The following IK variants were observed in gnomAD, a reference collection of about 807,000 sequenced individuals.
The protein encoded by IK is protein Red.
IK carries 47 observed loss-of-function variants against 90.9 expected under a neutral mutation model. That is an observed-to-expected ratio of 0.52 (90% CI 0.41 to 0.66). IK has a LOEUF of 0.66. Among genes scored for constraint, IK ranks in the 30% least tolerant of loss-of-function variants. The pLI is 0.00. For synonymous variants in IK, 201 were observed against 227.5 expected, an observed-to-expected ratio of 0.88 and a Z score of 1.05; for missense variants, 385 against 709.3, an observed-to-expected ratio of 0.54 and a Z score of 5.19.
At chr5:140,657,221 G>A (rs1229754773) in intron 9 of IK, among the ~76,000 whole-genome samples, 3 of 152,106 alleles carry the variant, frequency 2.0e-5, no homozygotes, top group Non-Finnish European at 4.4e-5. Flanking sequence ...TAAATAAAAT[G>A]TAAATTTTTG....
chr5:140,651,661 T>C, intron 2 of IK, 53 bp from the exon 3 acceptor site: 4 of 889,124 alleles, frequency 4.5e-6, no homozygotes, highest in South Asian at 1.4e-5. Flanking sequence ...TACTTGTTCC[T>C]TTTTCATTTC....
intron 8 of IK, 23 bp from the exon 9 acceptor site, chr5:140,655,806 T>A: frequency 6.2e-7 from 1 of 1,605,178 alleles, no homozygotes; most frequent in Non-Finnish European, 8.5e-7. Context: ...CCTGGCTACT[T>A]GCTGCTCTTC....
At chr5:140,653,259 G>C in intron 5 of IK, 115 bp downstream of exon 5, 1 of 822,000 alleles carries the variant, frequency 1.2e-6, no homozygotes, top group Non-Finnish European at 1.8e-6. Flanking sequence ...CGATTTCAGA[G>C]GCATTTGCCA....
chr5:140,650,828 G>C (rs7707326), intron 2 of IK, among the ~76,000 whole-genome samples: 3,022 of 152,054 alleles, frequency 0.02, 102 homozygotes, highest in African/African-American at 0.07. Flanking sequence ...ATCCGCCTGC[G>C]TCAGCCTCCC....
In IK at chr5:140,652,980, T is replaced by C. The variant is rs760511722; in HGVS notation, c.240T>C (p.Tyr80=). 4 of 1,613,310 alleles carry C rather than the reference T, an allele frequency of 2.5e-6. No homozygotes were observed. Among genetic ancestry groups the C allele is most frequent in the East Asian group, 4.5e-5 (2 of 44,884 alleles). Residue 80 remains tyrosine, a synonymous_variant, in exon 5 of 20, where the codon TAT becomes TAC. Transcript: ENST00000417647. The part of the protein sequence containing the change: ...PAARRRKKKS[Y]YAKLRQQEIE... ...ATTTGCCTTTCTCTGGTCACAGTTATTATGCCAAGCTACGCCAACAAGAAA... is the reference window on the plus strand; with the variant it reads ...ATTTGCCTTTCTCTGGTCACAGTTACTATGCCAAGCTACGCCAACAAGAAA...
Position 140,661,068 on chromosome 5 carries a change from G to A in IK, c.1413+253G>A. Reference sequence around the variant, plus strand: ...CAAAGTGCCAGGCTTTGATTCCCATGGTAGGCAGTAAGCAAGCATCAATGC... The same window carrying A: ...CAAAGTGCCAGGCTTTGATTCCCATAGTAGGCAGTAAGCAAGCATCAATGC... On this transcript the variant is annotated intron_variant, in intron 16 of 19. Transcript: ENST00000417647. This position sits in a 1 kb window ranked among gnomAD's most constrained non-coding sequence, Gnocchi z 4.2. 1 of 426,100 alleles carries A rather than the reference G, an allele frequency of 2.3e-6. No homozygotes were observed. The highest frequency in any genetic ancestry group is 4.1e-6 in the Non-Finnish European group (1 of 242,110). 26.4% of individuals were successfully genotyped at this position (426,100 alleles called of 1,614,324 possible).
In IK at chr5:140,659,128, A is replaced by G; in HGVS notation, c.1140A>G (p.Arg380=). ...GAGAGAGAGAAGAGGAAAAGAAGAG[A>G]CACAGCTACTTTGAGAAGCCAAAAG... ...RDREREEEKK[R]HSYFEKPKVD... The change falls in exon 12 of 20, where the codon AGA becomes AGG. Residue 380 remains arginine (R), a synonymous_variant. Coordinates refer to ENST00000417647, the MANE Select transcript of IK (RefSeq NM_006083.4). 6.3e-7 allele frequency: 1 copy of G among 1,598,858 alleles called. No individual in the cohort carries two copies. The highest frequency in any genetic ancestry group is 8.5e-7 in the Non-Finnish European group (1 of 1,172,588).
At chr5:140,658,022 C>T (rs545433647) in intron 10 of IK, among the ~76,000 whole-genome samples, 3 of 152,210 alleles carry the variant, frequency 2.0e-5, no homozygotes, top group East Asian at 3.9e-4. Context: ...TTTTTTGAGA[C>T]GGAGTCTCGC....
At position 140,661,985 on chromosome 5, in the gene IK, G is replaced by T. The variant is rs767580763; in HGVS notation, c.1589G>T (p.Arg530Leu). 6.2e-7 allele frequency: 1 copy of T among 1,608,998 alleles called. No individual in the cohort carries two copies. The highest frequency in any genetic ancestry group is 2.2e-5 in the East Asian group (1 of 44,764). Residue 530 changes from arginine to leucine, a missense_variant, in exon 18 of 20, where the codon CGC becomes CTC. Arg to Leu is a moderately radical substitution (Grantham distance 102). Coordinates refer to ENST00000417647, the MANE Select transcript of IK (RefSeq NM_006083.4). This position sits in a 1 kb window ranked among gnomAD's most constrained non-coding sequence, Gnocchi z 4.2. ...KETNDKAELD[R>L]QWKKISAIIE... ...ACCAATGACAAAGCAGAGCTTGATC[G>T]CCAGTGGAAGAAGATTAGTGCAGTA...
At chr5:140,650,577 C>CT (rs1007168713) in intron 2 of IK, among the ~76,000 whole-genome samples, 5 of 151,896 alleles carry the variant, frequency 3.3e-5, no homozygotes, top group Admixed American at 1.3e-4. Flanking sequence ...TGATTCTTTT[C>CT]TTTTTTTTAT....
intron 5 of IK, 134 bp downstream of exon 5, chr5:140,653,278 G>A (rs974311874): frequency 1.5e-6 from 1 of 657,624 alleles, no homozygotes; most frequent in Non-Finnish European, 2.5e-6. Flanking sequence ...CACCCACAAA[G>A]GGCTGTTCTT....
intron 10 of IK, 94 bp from the exon 11 acceptor site, chr5:140,658,643 A>G: frequency 9.6e-7 from 1 of 1,040,658 alleles, no homozygotes; most frequent in Non-Finnish European, 1.5e-6. Context: ...TAAACAGAAG[A>G]TGTTTAAAAG....
chr5:140,649,659 C>T (rs937013835), intron 2 of IK, among the ~76,000 whole-genome samples: 9 of 152,118 alleles, frequency 5.9e-5, no homozygotes, highest in African/African-American at 2.2e-4. Context: ...CCTCAGTTTC[C>T]CCAGTAGCTG....
At position 140,648,122 on chromosome 5, in the gene IK, C is replaced by T. The variant is rs572868422; in HGVS notation, c.16+198C>T. ...AGGCCGACAGCTCCAAACTCCGTCC[C>T]CAGTCCTCACTCCTACTCCAAGTGA... On this transcript the variant is annotated intron_variant, in intron 1 of 19. Transcript: ENST00000417647. The T allele has an allele frequency of 5.0e-4, 364 of 729,230 alleles. 2 individuals carry two copies. The South Asian group carries it at 5.1e-3, about 10-fold the overall frequency. The allele number at this position is 729,230 out of a possible 1,614,324, so 45.2% of individuals were successfully genotyped here. A position where few individuals can be genotyped will look rare whatever the true frequency, so the allele number is the denominator to read the frequency against.
chr5:140,648,400 A>G (rs753357915), intron 1 of IK, 71 bp from the exon 2 acceptor site: 15 of 1,359,132 alleles, frequency 1.1e-5, no homozygotes, highest in Non-Finnish European at 1.5e-5. Context: ...GTTCACTACT[A>G]TATCTCAAAT....
intron 9 of IK, 105 bp downstream of exon 9, chr5:140,656,097 C>G: frequency 9.9e-7 from 1 of 1,006,910 alleles, no homozygotes; most frequent in Non-Finnish European, 1.4e-6. Flanking sequence ...AAGTGCTGTT[C>G]ACTTTTACCT....
rs1180846811 is a variant in IK, at chr5:140,659,457, C to T, written c.1195+124C>T. On this transcript the variant is annotated intron_variant, in intron 13 of 19. Coordinates refer to ENST00000417647, the MANE Select transcript of IK (RefSeq NM_006083.4). ...TTCTGGGTTCTTGTAAGAACTGTGT[C>T]TTGCTTTATTGAATAGGTGGAGTTC... 5 of 1,053,308 alleles carry T rather than the reference C, an allele frequency of 4.7e-6. No homozygotes were observed. In the East Asian group the frequency reaches 1.2e-4, roughly 25 times the overall value. 65.2% of individuals were successfully genotyped at this position (1,053,308 alleles called of 1,614,324 possible).
intron 2 of IK, among the ~76,000 whole-genome samples, chr5:140,649,763 C>G (rs1462713905): frequency 6.6e-6 from 1 of 151,932 alleles, no homozygotes. Context: ...GAACTCCTGA[C>G]CTCAAATGAT....
intron 16 of IK, 27 bp downstream of exon 16, chr5:140,660,842 C>T (rs751661454): frequency 7.0e-6 from 11 of 1,581,396 alleles, no homozygotes; most frequent in Non-Finnish European, 9.6e-6. Context: ...ATGGTGGGCG[C>T]CTTTGGGCAG....
Sources: gnomAD v4.1 joint callset for allele counts (sites outside exome capture counted in the v4.1 genomes callset) on GRCh38, gnomAD v4.1.1 for gene constraint, Gnocchi (gnomAD v3.1) non-coding constraint, MANE v1.5 for transcripts, NCBI Gene and HGNC (gene_info 2026-07-23, HGNC 2026-07-21) for gene names.